Variants in EHBP1 observed in about 807,000 individuals in gnomAD.
EHBP1 encodes EH domain-binding protein 1.
In EHBP1, 55 loss-of-function variants were observed where a neutral mutation model predicts 144.0. That is an observed-to-expected ratio of 0.38 (90% CI 0.31 to 0.48). EHBP1 has a LOEUF of 0.48. Ranked by LOEUF, EHBP1 falls within the 20% of genes least tolerant of loss-of-function variation. EHBP1 has a pLI of 0.98. For missense variants in EHBP1, 1,200 were observed against 1,364.2 expected (o/e 0.88, Z 1.90); for synonymous variants, 469 against 472.7 (o/e 0.99, Z 0.10).
Position 63,038,817 on chromosome 2 carries a change from G to A in EHBP1, c.3277+1G>A. On this transcript the variant is annotated splice_donor_variant, in intron 21 of 22. Transcript: ENST00000431489. LOFTEE classifies it high-confidence loss of function. ...TTGAGGGCAATGCTAGCCATTGAAG[G>A]TAAGAAATGCTATGGTGGGGTGAGG... The A allele has an allele frequency of 6.2e-7, 1 of 1,612,718 alleles. No individual in the cohort carries two copies. The highest frequency in any genetic ancestry group is 8.5e-7 in the Non-Finnish European group (1 of 1,178,856).
chr2:63,030,447 A>G (rs1025901426), intron 19 of EHBP1, among the ~76,000 whole-genome samples: 4 of 152,140 alleles, frequency 2.6e-5, no homozygotes, highest in Non-Finnish European at 5.9e-5. Flanking sequence ...ATCACATCTT[A>G]AAATACATTA....
intron 7 of EHBP1, among the ~76,000 whole-genome samples, chr2:62,855,428 C>A (rs2048972922): frequency 6.6e-6 from 1 of 152,096 alleles, no homozygotes; most frequent in African/African-American, 2.4e-5. Context: ...ACCCTAGGCA[C>A]CATGAATGGC....
intron 18 of EHBP1, among the ~76,000 whole-genome samples, chr2:62,994,973 T>C (rs2059571663): frequency 6.6e-6 from 1 of 152,194 alleles, no homozygotes; most frequent in Non-Finnish European, 1.5e-5. Context: ...GTAAGAGCAA[T>C]GAAGTTTGTG....
In EHBP1 at chr2:62,799,514, A is replaced by G. The variant is rs144738082; in HGVS notation, c.313-26573A>G. ...CACCTGCCTACCTTCCTGCTCTTAGACAATGCTGTGCCTAAGACATCACAG... is the reference window on the plus strand; with the variant it reads ...CACCTGCCTACCTTCCTGCTCTTAGGCAATGCTGTGCCTAAGACATCACAG... On this transcript the variant is annotated intron_variant, in intron 5 of 22. Transcript: ENST00000431489. Among the ~76,000 whole-genome samples, 126 of 152,324 alleles carry G rather than the reference A, an allele frequency of 8.3e-4. 1 individual carries two copies. The highest frequency in any genetic ancestry group is 2.4e-3 in the African/African-American group (98 of 41,578).
intron 4 of EHBP1, among the ~76,000 whole-genome samples, chr2:62,769,968 G>A (rs963141530): frequency 2.0e-5 from 3 of 152,136 alleles, no homozygotes; most frequent in African/African-American, 7.2e-5. Context: ...CTAGCCATAT[G>A]CAGAAGACTG....
intron 5 of EHBP1, among the ~76,000 whole-genome samples, chr2:62,778,669 G>C (rs1223012841): frequency 6.6e-6 from 1 of 152,008 alleles, no homozygotes; most frequent in Non-Finnish European, 1.5e-5. Context: ...ACCAAGAACA[G>C]AGATGATATA....
At chr2:62,732,096 A>T (rs2037656656) in intron 2 of EHBP1, among the ~76,000 whole-genome samples, 1 of 152,086 alleles carries the variant, frequency 6.6e-6, no homozygotes, top group African/African-American at 2.4e-5. Flanking sequence ...GATATTTGAA[A>T]AGACTGATGT....
intron 3 of EHBP1, among the ~76,000 whole-genome samples, chr2:62,762,518 T>C (rs954322594): frequency 1.3e-5 from 2 of 152,230 alleles, no homozygotes; most frequent in Non-Finnish European, 2.9e-5. Flanking sequence ...TCTGAACTTA[T>C]TTCCCAAATC....
chr2:63,011,020 A>G (rs1279060554), intron 19 of EHBP1, among the ~76,000 whole-genome samples: 1 of 151,660 alleles, frequency 6.6e-6, no homozygotes, highest in Non-Finnish European at 1.5e-5. Context: ...AAATAAATGA[A>G]AGTTTCTCTA....
At chr2:62,971,481 A>C (rs1020273753) in intron 14 of EHBP1, among the ~76,000 whole-genome samples, 1 of 152,190 alleles carries the variant, frequency 6.6e-6, no homozygotes, top group East Asian at 1.9e-4. Context: ...TGTATAGCCC[A>C]AGTATACATA....
intron 5 of EHBP1, among the ~76,000 whole-genome samples, chr2:62,781,978 A>G (rs1349046896): frequency 6.6e-6 from 1 of 152,216 alleles, no homozygotes; most frequent in African/African-American, 2.4e-5. Context: ...TCTAAAGTGG[A>G]TGTTATTATA....
chr2:63,008,574 A>G (rs1330782919), intron 19 of EHBP1, among the ~76,000 whole-genome samples: 1 of 148,868 alleles, frequency 6.7e-6, no homozygotes, highest in Admixed American at 6.7e-5. Flanking sequence ...TTTTTTTTTA[A>G]TTTGTAAGGA....
intron 5 of EHBP1, among the ~76,000 whole-genome samples, chr2:62,786,788 A>G (rs1319769213): frequency 6.6e-6 from 1 of 152,222 alleles, no homozygotes; most frequent in African/African-American, 2.4e-5. Context: ...TCACTGGTAC[A>G]GGACAGTTGC....
intron 3 of EHBP1, among the ~76,000 whole-genome samples, chr2:62,762,648 T>G (rs2040853964): frequency 6.6e-6 from 1 of 152,192 alleles, no homozygotes; most frequent in Non-Finnish European, 1.5e-5. Flanking sequence ...CAGCACATCT[T>G]GTGGACTCTA....
intron 16 of EHBP1, among the ~76,000 whole-genome samples, chr2:62,991,290 A>T (rs1243026313): frequency 1.3e-5 from 2 of 151,960 alleles, no homozygotes; most frequent in Non-Finnish European, 2.9e-5. Context: ...TGTATTAAAT[A>T]GCCAATAAGT....
intron 3 of EHBP1, among the ~76,000 whole-genome samples, chr2:62,760,767 A>G (rs966870065): frequency 1.3e-5 from 2 of 152,206 alleles, no homozygotes; most frequent in African/African-American, 4.8e-5. Context: ...TTGGTGAGTC[A>G]TGGAGTCTGG....
chr2:62,713,253 CT>C (rs36061722), intron 2 of EHBP1, among the ~76,000 whole-genome samples: 13,995 of 136,540 alleles, frequency 0.1, 760 homozygotes, highest in East Asian at 0.17. Flanking sequence ...GTGCTAAACT[CT>C]TTTTTTTTTT....
chr2:62,766,467 A>G (rs575099412), intron 4 of EHBP1, among the ~76,000 whole-genome samples: 5 of 152,190 alleles, frequency 3.3e-5, no homozygotes, highest in Non-Finnish European at 7.3e-5. Flanking sequence ...ATCAGAGTCC[A>G]TCTCCCATCC....
intron 15 of EHBP1, among the ~76,000 whole-genome samples, chr2:62,981,069 C>CAAAAAAAAAAAAAAAAAA (rs754301803): frequency 2.1e-5 from 1 of 48,292 alleles, no homozygotes; most frequent in Non-Finnish European, 4.2e-5. Flanking sequence ...GATGCTGTCT[C>CAAAAAAAAAAAAAAAAAA]AAAAAAAAAA....
Sources: allele counts gnomAD v4.1 joint callset (sites outside exome capture counted in the v4.1 genomes callset), GRCh38; gene constraint gnomAD v4.1.1; transcripts MANE v1.5; gene names NCBI Gene and HGNC (gene_info 2026-07-23, HGNC 2026-07-21).